The following OSBPL10 variants were observed in gnomAD, a reference collection of about 807,000 sequenced individuals.
OSBPL10 encodes oxysterol binding protein like 10.
A neutral mutation model predicts 81.7 loss-of-function variants in OSBPL10; 49 were observed. The ratio of observed to expected loss-of-function variants is 0.60; its 90% CI spans 0.48 to 0.76. The LOEUF is 0.76. Ranked by LOEUF, OSBPL10 falls within the 30% of genes least tolerant of loss-of-function variation. The probability of loss-of-function intolerance (pLI) is 0.00; values close to 1 mark genes in which losing one functional copy is unlikely to be tolerated. For synonymous variants in OSBPL10, 419 were observed against 383.6 expected (o/e 1.09, Z -1.08); for missense variants, 923 against 987.8 (o/e 0.93, Z 0.88).
At chr3:31,844,671 G>C (rs1700583571) in intron 3 of OSBPL10, among the ~76,000 whole-genome samples, 1 of 152,212 alleles carries the variant, frequency 6.6e-6, no homozygotes, top group South Asian at 2.1e-4. Flanking sequence ...CTGCAAATGG[G>C]CACAGGGTTT....
intron 5 of OSBPL10, among the ~76,000 whole-genome samples, chr3:31,741,640 C>T (rs1188586828): frequency 1.3e-5 from 2 of 152,208 alleles, no homozygotes; most frequent in South Asian, 2.1e-4. Context: ...AAAATAAACA[C>T]TTATCTGAAA....
chr3:31,743,870 A>G (rs917829656), intron 5 of OSBPL10, among the ~76,000 whole-genome samples: 2 of 152,178 alleles, frequency 1.3e-5, no homozygotes, highest in African/African-American at 4.8e-5. Context: ...ATTTTTATCA[A>G]TGTGTGTCAG....
chr3:31,980,083 C>A (rs1307729801), intron 1 of OSBPL10, among the ~76,000 whole-genome samples: 1 of 151,884 alleles, frequency 6.6e-6, no homozygotes. Context: ...CGGCTCACTG[C>A]AACCTCTGCC....
chr3:32,025,064 C>T lies in OSBPL10; in HGVS notation n.298+21427G>A, dbSNP rs114614576. Among the ~76,000 whole-genome samples the T allele has an allele frequency of 2.2e-3, 340 of 152,202 alleles. 5 individuals carry two copies. Among genetic ancestry groups the T allele is most frequent in the African/African-American group, 7.5e-3 (312 of 41,508 alleles). ...GAAGTGGTGGGAGTAGACAGTCTCA[C>T]CTTGTTCATGATCTTAGGAGGAAAA... On this transcript the variant is annotated intron_variant and non_coding_transcript_variant, in intron 2 of 3. Transcript: ENST00000479173.
chr3:31,937,300 A>G (rs1290699240), intron 1 of OSBPL10, among the ~76,000 whole-genome samples: 1 of 151,840 alleles, frequency 6.6e-6, no homozygotes, highest in African/African-American at 2.4e-5. Flanking sequence ...AAAAGAAAGA[A>G]AGTCAGAGGA....
chr3:31,790,061 C>T (rs957378786), intron 4 of OSBPL10, among the ~76,000 whole-genome samples: 2 of 152,048 alleles, frequency 1.3e-5, no homozygotes, highest in African/African-American at 4.8e-5. Context: ...ATATTCCTTA[C>T]TTTAGCTAAC....
intron 4 of OSBPL10, among the ~76,000 whole-genome samples, chr3:31,792,740 A>AGTGTGT (rs10575874): frequency 0.038 from 5,074 of 133,592 alleles, 132 homozygotes; most frequent in East Asian, 0.057. Flanking sequence ...CCAGACACAG[A>AGTGTGT]GTGTGTGTGT....
chr3:32,006,967 T>C (rs1222676076), intron 2 of OSBPL10, among the ~76,000 whole-genome samples: 1 of 152,172 alleles, frequency 6.6e-6, no homozygotes, highest in East Asian at 1.9e-4. Context: ...GTGGTCTCAC[T>C]ATGTGGCCCA....
chr3:31,876,804 T>G (rs1171315732), intron 2 of OSBPL10, among the ~76,000 whole-genome samples: 2 of 152,214 alleles, frequency 1.3e-5, no homozygotes, highest in Non-Finnish European at 2.9e-5. Flanking sequence ...AAAAAAGTCA[T>G]TTCTATAATA....
intron 2 of OSBPL10, among the ~76,000 whole-genome samples, chr3:32,041,444 C>A (rs1229734174): frequency 6.6e-6 from 1 of 152,130 alleles, no homozygotes; most frequent in East Asian, 1.9e-4. Context: ...AGACTACAGG[C>A]CAGCTGGAAA....
intron 6 of OSBPL10, among the ~76,000 whole-genome samples, chr3:31,706,233 C>A (rs764834972): frequency 4.6e-5 from 7 of 152,158 alleles, no homozygotes; most frequent in Non-Finnish European, 1.0e-4. Context: ...CCTGGTGACC[C>A]ACAGTGACCT....
intron 1 of OSBPL10, among the ~76,000 whole-genome samples, chr3:32,069,803 A>T (rs931631825): frequency 6.6e-6 from 1 of 152,218 alleles, no homozygotes; most frequent in African/African-American, 2.4e-5. Flanking sequence ...GCTCCAGCAT[A>T]TAAGAACTTC....
At chr3:31,764,295 G>A (rs1158490106) in intron 4 of OSBPL10, among the ~76,000 whole-genome samples, 1 of 152,240 alleles carries the variant, frequency 6.6e-6, no homozygotes, top group African/African-American at 2.4e-5. Flanking sequence ...CCACGGCCCA[G>A]CCTGCTGGTG....
intron 3 of OSBPL10, 134 bp from the exon 4 acceptor site, chr3:31,830,365 TAAC>T: frequency 5.7e-6 from 5 of 882,020 alleles, no homozygotes; most frequent in Non-Finnish European, 8.5e-6. Flanking sequence ...GAAGGAGGTA[TAAC>T]AACACTGCAT....
chr3:31,733,436 C>T, intron 5 of OSBPL10, 25 bp from the exon 6 acceptor site: 12 of 1,613,906 alleles, frequency 7.4e-6, no homozygotes, highest in Non-Finnish European at 1.0e-5. Flanking sequence ...TAGAATGATG[C>T]CAAGTATTTT....
At chr3:32,044,083 C>T (rs1304888157) in intron 2 of OSBPL10, among the ~76,000 whole-genome samples, 1 of 152,042 alleles carries the variant, frequency 6.6e-6, no homozygotes, top group African/African-American at 2.4e-5. Flanking sequence ...ACATGTATCC[C>T]TTAAATCTAA....
At position 31,683,806 on chromosome 3, in the gene OSBPL10, A is replaced by G. The variant is rs747084138; in HGVS notation, c.1554T>C (p.Asp518=). The change falls in exon 8 of 12, where the codon GAT becomes GAC. Residue 518 remains aspartate (D), a synonymous_variant. Coordinates refer to ENST00000396556, the MANE Select transcript of OSBPL10 (RefSeq NM_017784.5). The part of the protein sequence containing the change: ...PASCHEHPMA[D]DPSKSYKLRF... ...TTAGTTTGTAGCTTTTGGAAGGGTCATCGGCCATTGGGTGTTCGTGACAGC... is the reference window on the plus strand; with the variant it reads ...TTAGTTTGTAGCTTTTGGAAGGGTCGTCGGCCATTGGGTGTTCGTGACAGC... 1.2e-6 allele frequency: 2 copies of G among 1,614,218 alleles called. No individual in the cohort carries two copies. The highest frequency in any genetic ancestry group is 2.2e-5 in the East Asian group (1 of 44,874).
At chr3:31,794,000 T>C (rs1699109886) in intron 4 of OSBPL10, among the ~76,000 whole-genome samples, 5 of 152,190 alleles carry the variant, frequency 3.3e-5, no homozygotes, top group Admixed American at 3.3e-4. Flanking sequence ...TCGAGTGTCT[T>C]TGTGGTTTGA....
chr3:31,779,297 C>A (rs1401688513), intron 4 of OSBPL10, among the ~76,000 whole-genome samples: 1 of 152,112 alleles, frequency 6.6e-6, no homozygotes, highest in Non-Finnish European at 1.5e-5. Flanking sequence ...AATCCACCAA[C>A]CAAGTATCTG....
Sources: gnomAD v4.1 joint callset for allele counts (sites outside exome capture counted in the v4.1 genomes callset) on GRCh38, gnomAD v4.1.1 for gene constraint, MANE v1.5 for transcripts, NCBI Gene and HGNC (gene_info 2026-07-23, HGNC 2026-07-21) for gene names.